SLC9A8: variants seen among roughly 807,000 people sequenced by gnomAD.
SLC9A8 encodes sodium/hydrogen exchanger 8.
In SLC9A8, 48 loss-of-function variants were observed where a neutral mutation model predicts 66.6. The observed-to-expected ratio is 0.72, with a 90% CI of 0.57 to 0.92. SLC9A8 has a LOEUF of 0.92. Ranked by LOEUF, SLC9A8 falls within the 40% of genes least tolerant of loss-of-function variation. SLC9A8 has a pLI of 0.00. For missense variants in SLC9A8, 599 were observed against 747.3 expected (o/e 0.80, Z 2.31); for synonymous variants, 274 against 282.6 (o/e 0.97, Z 0.31).
At chr20:49,848,485 T>C (rs1249205901) in intron 5 of SLC9A8, among the ~76,000 whole-genome samples, 1 of 152,170 alleles carries the variant, frequency 6.6e-6, no homozygotes, top group African/African-American at 2.4e-5. Context: ...TAGCAGGTCT[T>C]GATGTCCATG....
intron 7 of SLC9A8, 148 bp from the exon 8 acceptor site, chr20:49,855,289 TG>T: frequency 1.2e-6 from 1 of 806,868 alleles, no homozygotes; most frequent in South Asian, 1.7e-5. Flanking sequence ...AGCAGATAAG[TG>T]GGGAAAAAAT....
chr20:49,829,598 T>G, intron 3 of SLC9A8: 1 of 392,768 alleles, frequency 2.5e-6, no homozygotes, highest in Non-Finnish European at 5.1e-6. Flanking sequence ...ATGCCTGGAT[T>G]AAAGTGAAAC....
At position 49,831,100 on chromosome 20, in the gene SLC9A8, C is replaced by A. The variant is rs543793598; in HGVS notation, c.289+7959C>A. The stretch of plus-strand genomic sequence containing the variant: ...GCATACACTAAGCCGTCGGACCCCC[C>A]ACCCCCAGCCCTCTAATCTCTCCGC... On this transcript the variant is annotated intron_variant, in intron 3 of 15. Coordinates refer to ENST00000361573, the MANE Select transcript of SLC9A8 (RefSeq NM_015266.3). The A allele has an allele frequency of 1.8e-4, 115 of 622,484 alleles. 2 individuals carry two copies. Among genetic ancestry groups the A allele is most frequent in the South Asian group, 1.8e-3 (113 of 63,838 alleles). The allele number at this position is 622,484 out of a possible 1,614,324, so 38.6% of individuals were successfully genotyped here.
chr20:49,875,274 TAA>T (rs33958043), intron 11 of SLC9A8, among the ~76,000 whole-genome samples: 31 of 123,226 alleles, frequency 2.5e-4, no homozygotes, highest in Admixed American at 5.0e-4. Context: ...GCTATGATCT[TAA>T]AAAAAAAAAA....
At chr20:49,868,246 GT>G (rs1300841571) in intron 10 of SLC9A8, among the ~76,000 whole-genome samples, 2 of 152,232 alleles carry the variant, frequency 1.3e-5, no homozygotes, top group Admixed American at 1.3e-4. Flanking sequence ...GACTGGCAGT[GT>G]TTCCTGTTGA....
chr20:49,840,396 C>T (rs1257089207), intron 4 of SLC9A8, among the ~76,000 whole-genome samples: 1 of 152,108 alleles, frequency 6.6e-6, no homozygotes, highest in East Asian at 1.9e-4. Flanking sequence ...AGATTCATTT[C>T]AAAATATAAA....
chr20:49,837,963 T>C (rs2087607033), intron 3 of SLC9A8, among the ~76,000 whole-genome samples: 1 of 152,174 alleles, frequency 6.6e-6, no homozygotes, highest in Non-Finnish European at 1.5e-5. Context: ...CTCTAAGACT[T>C]AATGTTGAAC....
At chr20:49,834,012 G>T (rs1262658977) in intron 3 of SLC9A8, among the ~76,000 whole-genome samples, 2 of 151,690 alleles carry the variant, frequency 1.3e-5, no homozygotes, top group Non-Finnish European at 2.9e-5. Context: ...ACTTTGGGAG[G>T]CTGAGACAGG....
At chr20:49,813,605 G>C (rs1380461038) in intron 1 of SLC9A8, among the ~76,000 whole-genome samples, 1 of 152,172 alleles carries the variant, frequency 6.6e-6, no homozygotes, top group African/African-American at 2.4e-5. Context: ...CAAGGTCATC[G>C]CCAAGGTCTG....
At position 49,886,160 on chromosome 20, in the gene SLC9A8, A is replaced by G. The variant is rs2089884423; in HGVS notation, c.1492-592A>G. 7.6e-6 allele frequency among the ~76,000 whole-genome samples: 1 copy of G among 132,288 alleles called. No individual in the cohort carries two copies. Among genetic ancestry groups the G allele is most frequent in the East Asian group, 2.3e-4 (1 of 4,438 alleles). The allele number at this position is 132,288 out of a possible 152,430, so 86.8% of individuals were successfully genotyped here. Reference sequence around the variant, plus strand: ...GCAGAGCACACTTCACTGTGGCCCCACTGAGACTCCTCCAGCAGAGCAGGC... The same window carrying G: ...GCAGAGCACACTTCACTGTGGCCCCGCTGAGACTCCTCCAGCAGAGCAGGC... On this transcript the variant is annotated intron_variant, in intron 14 of 15. Coordinates refer to ENST00000361573, the MANE Select transcript of SLC9A8 (RefSeq NM_015266.3). The surrounding 1 kb of genome is among the most constrained non-coding windows in gnomAD (Gnocchi z 4.8).
At chr20:49,882,723 G>A (rs965117027) in intron 13 of SLC9A8, among the ~76,000 whole-genome samples, 2 of 152,120 alleles carry the variant, frequency 1.3e-5, no homozygotes, top group East Asian at 1.9e-4. Flanking sequence ...GAATTGCCCG[G>A]TGGCCTGGCT....
chr20:49,831,825 G>C lies in SLC9A8; in HGVS notation c.290-7716G>C, dbSNP rs76713075. ...AGAGTCCTGCGAAAATGAGGCCCTGGCTTTCCAGGGAGTATGGTGAGCATC... is the reference window on the plus strand; with the variant it reads ...AGAGTCCTGCGAAAATGAGGCCCTGCCTTTCCAGGGAGTATGGTGAGCATC... On this transcript the variant is annotated intron_variant, in intron 3 of 15. Transcript: ENST00000361573. Among the ~76,000 whole-genome samples the C allele has an allele frequency of 5.7e-4, 87 of 152,356 alleles. 1 individual carries two copies. In the East Asian group the frequency reaches 0.011, roughly 20 times the overall value.
At chr20:49,852,291 A>G (rs965727273) in intron 7 of SLC9A8, among the ~76,000 whole-genome samples, 2 of 152,200 alleles carry the variant, frequency 1.3e-5, no homozygotes, top group Admixed American at 6.5e-5. Flanking sequence ...ATTGGTGGCT[A>G]TTTTAAATAC....
At position 49,812,834 on chromosome 20, in the gene SLC9A8, C is replaced by T. The variant is rs2086397457; in HGVS notation, c.-89C>T. ...GGCCGAGGCCCCGCCTCCCGCTCGCCCGCCCGCGCCTCCAGCGGAAGCCGG... is the reference window on the plus strand; with the variant it reads ...GGCCGAGGCCCCGCCTCCCGCTCGCTCGCCCGCGCCTCCAGCGGAAGCCGG... On this transcript the variant is annotated 5_prime_UTR_variant, in exon 1 of 16. Transcript: ENST00000361573. 2.1e-6 allele frequency: 3 copies of T among 1,444,148 alleles called. No homozygotes were observed. The highest frequency in any genetic ancestry group is 1.3e-5 in the South Asian group (1 of 79,234). The allele number at this position is 1,444,148 out of a possible 1,614,324, so 89.5% of individuals were successfully genotyped here. A position where few individuals can be genotyped will look rare whatever the true frequency, so the allele number is the denominator to read the frequency against.
intron 1 of SLC9A8, 73 bp from the exon 2 acceptor site, chr20:49,814,935 C>G: frequency 8.2e-7 from 1 of 1,217,068 alleles, no homozygotes; most frequent in Non-Finnish European, 1.1e-6. Context: ...GCTTCTCTTT[C>G]TGGTGTGAGG....
At chr20:49,841,120 C>A (rs1305818511) in intron 4 of SLC9A8, among the ~76,000 whole-genome samples, 1 of 152,052 alleles carries the variant, frequency 6.6e-6, no homozygotes. Context: ...GCCTGGCCAA[C>A]ATGGTGAAAC....
chr20:49,841,227 G>T (rs6125790), intron 4 of SLC9A8, among the ~76,000 whole-genome samples: 2 of 151,424 alleles, frequency 1.3e-5, no homozygotes, highest in African/African-American at 4.9e-5. Flanking sequence ...GATCGCTTGA[G>T]CCCAGGAGGA....
chr20:49,860,186 T>C (rs566771868), intron 8 of SLC9A8, among the ~76,000 whole-genome samples: 1 of 152,338 alleles, frequency 6.6e-6, no homozygotes, highest in Admixed American at 6.5e-5. Flanking sequence ...GAGCCCTTGT[T>C]GGCTGCCACA....
At chr20:49,820,835 G>A (rs1189162543) in intron 2 of SLC9A8, among the ~76,000 whole-genome samples, 2 of 152,070 alleles carry the variant, frequency 1.3e-5, no homozygotes, top group Non-Finnish European at 2.9e-5. Context: ...GTGAGCCACC[G>A]CACCAGGCCC....
Sources: allele counts gnomAD v4.1 joint callset (sites outside exome capture counted in the v4.1 genomes callset), GRCh38; gene constraint gnomAD v4.1.1; non-coding constraint Gnocchi (gnomAD v3.1); transcripts MANE v1.5; gene names NCBI Gene and HGNC (gene_info 2026-07-23, HGNC 2026-07-21).